Variants in TRPC6 observed in about 807,000 individuals in gnomAD.
TRPC6 encodes transient receptor potential cation channel subfamily C member 6, also known as short transient receptor potential channel 6.
Under a neutral mutation model 90.7 loss-of-function variants are expected in TRPC6, and 55 were observed. The ratio of observed to expected loss-of-function variants is 0.61; its 90% CI spans 0.49 to 0.76. TRPC6 has a LOEUF of 0.76. TRPC6 is among the 30% of genes least tolerant of loss of function. The pLI is 0.00. For missense variants in TRPC6, 989 were observed against 1,122.7 expected (o/e 0.88, Z 1.70); for synonymous variants, 393 against 393.0 (o/e 1.00, Z 0.00).
At chr11:101,577,421 A>G (rs1862093222) in intron 1 of TRPC6, among the ~76,000 whole-genome samples, 1 of 152,212 alleles carries the variant, frequency 6.6e-6, no homozygotes, top group South Asian at 2.1e-4. Flanking sequence ...GTCAGAGAGT[A>G]AAGCCACACT....
intron 1 of TRPC6, among the ~76,000 whole-genome samples, chr11:101,522,134 A>G (rs1228753900): frequency 6.6e-6 from 1 of 152,110 alleles, no homozygotes; most frequent in African/African-American, 2.4e-5. Flanking sequence ...GGGCAGAATA[A>G]TATGGTTTGG....
At chr11:101,477,318 A>G (rs57592165) in intron 5 of TRPC6, among the ~76,000 whole-genome samples, 9,149 of 151,708 alleles carry the variant, frequency 0.06, 351 homozygotes, top group African/African-American at 0.1. Context: ...GTTCCTTAAT[A>G]AAATTCCCAT....
intron 1 of TRPC6, among the ~76,000 whole-genome samples, chr11:101,554,605 T>C (rs978172936): frequency 2.0e-5 from 3 of 152,112 alleles, no homozygotes; most frequent in Non-Finnish European, 2.9e-5. Flanking sequence ...CAGGTGGTGG[T>C]TGCCCAGTGC....
At chr11:101,541,608 G>A (rs961990323) in intron 1 of TRPC6, among the ~76,000 whole-genome samples, 3 of 152,256 alleles carry the variant, frequency 2.0e-5, no homozygotes, top group Non-Finnish European at 2.9e-5. Context: ...CCAGAGGCAG[G>A]CCGAGTGGAT....
intron 1 of TRPC6, among the ~76,000 whole-genome samples, chr11:101,556,848 G>C (rs944884449): frequency 1.3e-5 from 2 of 152,094 alleles, no homozygotes; most frequent in Non-Finnish European, 2.9e-5. Context: ...ACATTAAAAA[G>C]ATCATCCTCC....
intron 6 of TRPC6, among the ~76,000 whole-genome samples, chr11:101,474,189 G>A (rs1051712767): frequency 6.6e-6 from 1 of 152,146 alleles, no homozygotes; most frequent in Non-Finnish European, 1.5e-5. Context: ...TATGTTCAGC[G>A]TTTAGCAAGT....
Position 101,548,244 on chromosome 11 carries a change from C to G in TRPC6, c.170+35090G>C, listed in dbSNP as rs1404255513. Among the ~76,000 whole-genome samples, 3 of 101,248 alleles carry G rather than the reference C, an allele frequency of 3.0e-5. No individual in the cohort carries two copies. In the Admixed American group the frequency reaches 3.5e-4, roughly 12 times the overall value. 66.4% of individuals were successfully genotyped at this position (101,248 alleles called of 152,430 possible). A position where few individuals can be genotyped will look rare whatever the true frequency, so the allele number is the denominator to read the frequency against. On this transcript the variant is annotated intron_variant, in intron 1 of 12. Transcript: ENST00000344327. ...TTTAATCTTCCCAACAGCCTAAGAA[C>G]TAGATCATATATATATACATATATA...
intron 10 of TRPC6, among the ~76,000 whole-genome samples, chr11:101,462,079 C>A (rs539121656): frequency 6.6e-6 from 1 of 152,224 alleles, no homozygotes; most frequent in East Asian, 1.9e-4. Context: ...GAATCCTTTC[C>A]CCATTGCTTG....
intron 5 of TRPC6, among the ~76,000 whole-genome samples, chr11:101,477,104 G>C (rs1022944803): frequency 6.6e-6 from 1 of 151,640 alleles, no homozygotes; most frequent in African/African-American, 2.4e-5. Context: ...CTTCTTGGGA[G>C]ACATGGGACT....
intron 4 of TRPC6, among the ~76,000 whole-genome samples, chr11:101,488,733 A>G (rs776161893): frequency 5.9e-5 from 9 of 152,146 alleles, no homozygotes; most frequent in Non-Finnish European, 1.0e-4. Context: ...TTTGTTTCCT[A>G]TAGCAAACAT....
In TRPC6 at chr11:101,483,147, C is replaced by T. The variant is rs1160907004; in HGVS notation, c.1312G>A (p.Gly438Arg). The change falls in exon 5 of 13, where the codon GGA becomes AGA. Residue 438 changes from glycine to arginine, a missense_variant. Coordinates refer to ENST00000344327, the MANE Select transcript of TRPC6 (RefSeq NM_004621.6). ...PCSKMGKIMR[G>R]PFMKFVAHAA... The stretch of plus-strand genomic sequence containing the variant: ...TGTGCTACAAACTTCATGAATGGTC[C>T]ACGCATTATCTTCCCCATCTGCCAC... 1 of 1,613,942 alleles carries T rather than the reference C, an allele frequency of 6.2e-7. No individual in the cohort carries two copies. The highest frequency in any genetic ancestry group is 1.1e-5 in the South Asian group (1 of 91,076).
At position 101,562,683 on chromosome 11, in the gene TRPC6, T is replaced by C. The variant is rs191599728; in HGVS notation, c.170+20651A>G. 2.5e-3 allele frequency among the ~76,000 whole-genome samples: 378 copies of C among 152,286 alleles called. 1 individual carries two copies. Among genetic ancestry groups the C allele is most frequent in the African/African-American group, 8.6e-3 (357 of 41,534 alleles). On this transcript the variant is annotated intron_variant, in intron 1 of 12. Transcript: ENST00000344327. ...TAGGAAAAGTGCCTTTGTCCTTCTTTCTGACCCCTGTGAAATATGACATTG... is the reference window on the plus strand; with the variant it reads ...TAGGAAAAGTGCCTTTGTCCTTCTTCCTGACCCCTGTGAAATATGACATTG...
At position 101,576,466 on chromosome 11, in the gene TRPC6, A is replaced by T. The variant is rs74692476; in HGVS notation, c.170+6868T>A. On this transcript the variant is annotated intron_variant, in intron 1 of 12. Transcript: ENST00000344327. ...TTTCTGTATTCTGCTCTAAACAGAG[A>T]TTCTATAAGAACTGTGATTCAGTCA... Among the ~76,000 whole-genome samples, 416 of 152,276 alleles carry T rather than the reference A, an allele frequency of 2.7e-3. 3 individuals are homozygous for T. The highest frequency in any genetic ancestry group is 9.6e-3 in the African/African-American group (399 of 41,556).
intron 1 of TRPC6, among the ~76,000 whole-genome samples, chr11:101,559,354 A>T (rs1861660279): frequency 6.6e-6 from 1 of 152,188 alleles, no homozygotes; most frequent in South Asian, 2.1e-4. Flanking sequence ...ATACCCCATA[A>T]AATTAGACAA....
chr11:101,502,736 G>A (rs970482016), intron 2 of TRPC6, among the ~76,000 whole-genome samples: 1 of 152,126 alleles, frequency 6.6e-6, no homozygotes, highest in African/African-American at 2.4e-5. Context: ...CAGGTAGCTG[G>A]AGGAAAAGCA....
At chr11:101,469,127 C>G (rs184660006) in intron 10 of TRPC6, among the ~76,000 whole-genome samples, 1 of 152,214 alleles carries the variant, frequency 6.6e-6, no homozygotes, top group Non-Finnish European at 1.5e-5. Flanking sequence ...TAATCATACC[C>G]TCCATCAGGT....
intron 1 of TRPC6, among the ~76,000 whole-genome samples, chr11:101,549,241 C>G (rs551387897): frequency 6.6e-6 from 1 of 151,930 alleles, no homozygotes; most frequent in South Asian, 2.1e-4. Context: ...AGAAATACAT[C>G]TAACTTATTC....
At chr11:101,544,522 C>T (rs911702776) in intron 1 of TRPC6, among the ~76,000 whole-genome samples, 1 of 152,162 alleles carries the variant, frequency 6.6e-6, no homozygotes, top group African/African-American at 2.4e-5. Flanking sequence ...AATTGTGGCT[C>T]ATATACACCA....
rs1678585218 is a variant in TRPC6, at chr11:101,583,674, C to T, written c.-171G>A. On this transcript the variant is annotated 5_prime_UTR_variant, in exon 1 of 13. Coordinates refer to ENST00000344327, the MANE Select transcript of TRPC6 (RefSeq NM_004621.6). The stretch of plus-strand genomic sequence containing the variant: ...GTGCAGACGCCCGCCGCAAGTGGCT[C>T]GCCCACTGGCCCGGGGAAAAGTCAC... 19 of 621,594 alleles carry T rather than the reference C, an allele frequency of 3.1e-5. 1 individual carries two copies. In the South Asian group the frequency reaches 5.9e-4, roughly 19 times the overall value. The allele number at this position is 621,594 out of a possible 1,614,324, so 38.5% of individuals were successfully genotyped here.
Sources: allele counts gnomAD v4.1 joint callset (sites outside exome capture counted in the v4.1 genomes callset), GRCh38; gene constraint gnomAD v4.1.1; transcripts MANE v1.5; gene names NCBI Gene and HGNC (gene_info 2026-07-23, HGNC 2026-07-21).